The following ATRNL1 variants were observed in gnomAD, a reference collection of about 807,000 sequenced individuals.
ATRNL1 encodes attractin-like protein 1.
ATRNL1 carries 95 observed loss-of-function variants against 182.7 expected under a neutral mutation model. That is an observed-to-expected ratio of 0.52 (90% CI 0.44 to 0.62). The LOEUF (loss-of-function observed/expected upper bound fraction) is 0.62. Among genes scored for constraint, ATRNL1 ranks in the 20% least tolerant of loss-of-function variants. The pLI, the probability that ATRNL1 is intolerant of heterozygous loss-of-function variation, is 0.00. For synonymous variants in ATRNL1, 576 were observed against 568.3 expected (o/e 1.01, Z -0.19); for missense variants, 1,471 against 1,679.5 (o/e 0.88, Z 2.17).
At chr10:115,903,718 A>G (rs752123915) in intron 28 of ATRNL1, among the ~76,000 whole-genome samples, 6 of 152,156 alleles carry the variant, frequency 3.9e-5, no homozygotes, top group Non-Finnish European at 7.3e-5. Context: ...AGAATCATCT[A>G]TATTTTTCTT....
intron 26 of ATRNL1, among the ~76,000 whole-genome samples, chr10:115,615,099 G>A (rs1857365152): frequency 6.6e-6 from 1 of 151,682 alleles, no homozygotes; most frequent in African/African-American, 2.4e-5. Flanking sequence ...TATATCCTTT[G>A]TTTCTTTCTT....
intron 18 of ATRNL1, among the ~76,000 whole-genome samples, chr10:115,325,432 T>A (rs1554932892): frequency 6.6e-6 from 1 of 152,218 alleles, no homozygotes; most frequent in Non-Finnish European, 1.5e-5. Flanking sequence ...CCATTATGCC[T>A]GGGTCCCCTT....
rs1277451582 is a variant in ATRNL1, at chr10:115,656,223, C to T, written c.3796-71025C>T. Among the ~76,000 whole-genome samples, 4 of 152,134 alleles carry T rather than the reference C, an allele frequency of 2.6e-5. No homozygotes were observed. In the East Asian group the frequency reaches 7.7e-4, roughly 29 times the overall value. On this transcript the variant is annotated intron_variant, in intron 26 of 28. Coordinates refer to ENST00000355044, the MANE Select transcript of ATRNL1 (RefSeq NM_207303.4). The stretch of plus-strand genomic sequence containing the variant: ...CCCTTTATTAGCAAGAAATGAAACT[C>T]ATCACCAGCATGACTTATATATATA...
Position 115,309,349 on chromosome 10 carries a change from G to A in ATRNL1, c.2819-6169G>A, listed in dbSNP as rs188216138. ...ATTTGACTGGAAGTGCACTGAACCTGCAGATTGTTTTGGGCAGTATGATTA... is the reference window on the plus strand; with the variant it reads ...ATTTGACTGGAAGTGCACTGAACCTACAGATTGTTTTGGGCAGTATGATTA... On this transcript the variant is annotated intron_variant, in intron 17 of 28. Coordinates refer to ENST00000355044, the MANE Select transcript of ATRNL1 (RefSeq NM_207303.4). 3.3e-5 allele frequency among the ~76,000 whole-genome samples: 5 copies of A among 152,128 alleles called. No homozygotes were observed. In the East Asian group the frequency reaches 7.7e-4, roughly 23 times the overall value.
chr10:115,400,685 C>A (rs1554956765), intron 20 of ATRNL1, among the ~76,000 whole-genome samples: 6 of 152,038 alleles, frequency 3.9e-5, no homozygotes, highest in Non-Finnish European at 8.8e-5. Flanking sequence ...GAACCCTTTA[C>A]CATTATGTAA....
intron 19 of ATRNL1, among the ~76,000 whole-genome samples, chr10:115,391,293 G>A (rs1844005665): frequency 6.6e-6 from 1 of 152,116 alleles, no homozygotes; most frequent in Non-Finnish European, 1.5e-5. Context: ...TTAGCTGTGG[G>A]TATATCATAG....
chr10:115,847,352 G>T (rs1265193267), intron 27 of ATRNL1, among the ~76,000 whole-genome samples: 2 of 152,048 alleles, frequency 1.3e-5, no homozygotes, highest in Non-Finnish European at 2.9e-5. Context: ...TGCTAAGAGA[G>T]TGTATTTTAG....
intron 7 of ATRNL1, among the ~76,000 whole-genome samples, chr10:115,167,310 A>G (rs879972540): frequency 7.2e-5 from 11 of 151,882 alleles, no homozygotes; most frequent in Non-Finnish European, 1.5e-4. Flanking sequence ...TAGCTTTTTA[A>G]TAAGTTTTGA....
intron 19 of ATRNL1, among the ~76,000 whole-genome samples, chr10:115,351,443 T>G (rs376803374): frequency 2.0e-5 from 3 of 151,060 alleles, no homozygotes; most frequent in Non-Finnish European, 4.4e-5. Flanking sequence ...TTTTTGAGAG[T>G]TTTTTTTTAA....
At chr10:115,562,976 C>T (rs1429622369) in intron 26 of ATRNL1, among the ~76,000 whole-genome samples, 1 of 152,120 alleles carries the variant, frequency 6.6e-6, no homozygotes, top group African/African-American at 2.4e-5. Flanking sequence ...ATTTACAGTT[C>T]CTGAATTCAA....
At chr10:115,531,889 C>T (rs578120494) in intron 25 of ATRNL1, among the ~76,000 whole-genome samples, 1,705 of 144,946 alleles carry the variant, frequency 0.012, 56 homozygotes, top group Non-Finnish European at 0.02. Context: ...ATAGGGAATC[C>T]TTTCCCCATT....
chr10:115,184,895 C>T (rs1354919863), intron 8 of ATRNL1, among the ~76,000 whole-genome samples: 10 of 151,866 alleles, frequency 6.6e-5, no homozygotes, highest in Admixed American at 1.3e-4. Context: ...GGTTTAGATG[C>T]GAAGAAGGAC....
intron 27 of ATRNL1, among the ~76,000 whole-genome samples, chr10:115,828,380 C>T (rs1415371575): frequency 1.3e-5 from 2 of 152,130 alleles, no homozygotes; most frequent in Non-Finnish European, 2.9e-5. Context: ...CTTGGAAGAG[C>T]AGACTGCCTG....
chr10:115,795,524 T>C (rs1307388922), intron 27 of ATRNL1, among the ~76,000 whole-genome samples: 1 of 152,106 alleles, frequency 6.6e-6, no homozygotes, highest in East Asian at 1.9e-4. Context: ...AAGACATACC[T>C]GAGACTGCGT....
intron 26 of ATRNL1, among the ~76,000 whole-genome samples, chr10:115,723,721 T>G (rs1464649624): frequency 1.3e-5 from 2 of 151,684 alleles, no homozygotes; most frequent in Admixed American, 1.3e-4. Context: ...GCTAATTTAT[T>G]TTTATTTTTA....
At position 115,374,489 on chromosome 10, in the gene ATRNL1, T is replaced by TTCCTTCC. The variant is rs1333570942; in HGVS notation, c.3176-20169_3176-20168insCCTTCCT. Among the ~76,000 whole-genome samples the TTCCTTCC allele has an allele frequency of 3.3e-3, 323 of 96,582 alleles. 3 individuals carry two copies. Among genetic ancestry groups the TTCCTTCC allele is most frequent in the African/African-American group, 0.013 (305 of 23,062 alleles). 63.4% of individuals were successfully genotyped at this position (96,582 alleles called of 152,430 possible). A position where few individuals can be genotyped will look rare whatever the true frequency, so the allele number is the denominator to read the frequency against. ...CCTTCCTTCCTTCCTTCCTTCCTTC[T>TTCCTTCC]TTCCTTCCTTTCTTCCTCCTTCTTC... is the stretch of plus-strand genomic sequence containing the variant. On this transcript the variant is annotated intron_variant, in intron 19 of 28. Transcript: ENST00000355044.
At chr10:115,713,753 G>A (rs1947160833) in intron 26 of ATRNL1, among the ~76,000 whole-genome samples, 1 of 136,726 alleles carries the variant, frequency 7.3e-6, no homozygotes, top group Non-Finnish European at 1.6e-5. Context: ...TCTATCTATA[G>A]TCTCTCCATA....
chr10:115,465,685 G>A (rs538756524), intron 22 of ATRNL1, among the ~76,000 whole-genome samples: 110 of 151,360 alleles, frequency 7.3e-4, no homozygotes, highest in African/African-American at 2.6e-3. Flanking sequence ...TAATATAATA[G>A]CCTTCTGATT....
intron 1 of ATRNL1, among the ~76,000 whole-genome samples, chr10:115,098,189 A>G (rs1336972674): frequency 6.6e-6 from 1 of 152,116 alleles, no homozygotes; most frequent in Non-Finnish European, 1.5e-5. Flanking sequence ...TGTTTCTTAG[A>G]TTCTAAATTG....
Sources: gnomAD v4.1 joint callset for allele counts (sites outside exome capture counted in the v4.1 genomes callset) on GRCh38, gnomAD v4.1.1 for gene constraint, MANE v1.5 for transcripts, NCBI Gene and HGNC (gene_info 2026-07-23, HGNC 2026-07-21) for gene names.